The following PLD4 variants were observed in gnomAD, a reference collection of about 807,000 sequenced individuals.
PLD4 encodes phospholipase D family member 4, also known as 5'-3' exonuclease PLD4.
Under a neutral mutation model 52.3 loss-of-function variants are expected in PLD4, and 54 were observed. The ratio of observed to expected loss-of-function variants is 1.03; its 90% CI spans 0.83 to 1.30. The LOEUF (loss-of-function observed/expected upper bound fraction) is 1.30, where lower values mean the gene tolerates loss of function less well. Among genes scored for constraint, PLD4 ranks in the 50% most tolerant of loss-of-function variants. PLD4 has a pLI of 0.00. For synonymous variants in PLD4, 264 were observed against 286.5 expected, an observed-to-expected ratio of 0.92 and a Z score of 0.79; for missense variants, 731 against 671.1, an observed-to-expected ratio of 1.09 and a Z score of -0.99.
chr14:104,930,175 G>C, intron 6 of PLD4, 70 bp downstream of exon 6: 11 of 1,588,474 alleles, frequency 6.9e-6, no homozygotes, highest in Non-Finnish European at 9.4e-6. Flanking sequence ...TGGGGACTTG[G>C]CCTGACATCT....
In PLD4 at chr14:104,928,862, T is replaced by G. The variant is rs1223868166; in HGVS notation, c.398T>G (p.Val133Gly). 2 of 1,612,180 alleles carry G rather than the reference T, an allele frequency of 1.2e-6. No homozygotes were observed. The highest frequency in any genetic ancestry group is 3.3e-5 in the Admixed American group (2 of 59,994). The change falls in exon 4 of 11, where the codon GTC becomes GGC. Residue 133 changes from valine (V) to glycine (G), a missense_variant. Transcript: ENST00000392593. ...LQLLDTAQESVHVASYYWSLT... is the reference protein window; with the variant it reads ...LQLLDTAQESGHVASYYWSLT... The stretch of plus-strand genomic sequence containing the variant: ...CTGCTGGACACTGCCCAGGAGAGCG[T>G]CCACGTGGCTTCATACTACTGGTCC...
At chr14:104,927,038 G>C (rs980251379) in intron 1 of PLD4, 103 bp from the exon 2 acceptor site, 1 of 1,032,504 alleles carries the variant, frequency 9.7e-7, no homozygotes, top group Non-Finnish European at 1.3e-6. Context: ...GGGCTTATGT[G>C]GGTGTCTGTG....
chr14:104,925,097 G>A (rs906811115), intron 1 of PLD4, 107 bp downstream of exon 1: 1 of 152,480 alleles, frequency 6.6e-6, no homozygotes, highest in Non-Finnish European at 1.5e-5. Flanking sequence ...GGTCCAGAGA[G>A]TCACACAGCC....
At position 104,932,921 on chromosome 14, in the gene PLD4, T is replaced by A. The variant is rs1345530152; in HGVS notation, c.1478T>A (p.Leu493Gln). 6.2e-7 allele frequency: 1 copy of A among 1,601,598 alleles called. No homozygotes were observed. The highest frequency in any genetic ancestry group is 8.5e-7 in the Non-Finnish European group (1 of 1,175,344). Residue 493 changes from leucine (L) to glutamine (Q), a missense_variant, in exon 11 of 11, where the codon CTG becomes CAG. By Grantham distance (113) the Leu-to-Gln change is moderately radical. Transcript: ENST00000392593. The surrounding 1 kb of genome is among the most constrained non-coding windows in gnomAD (Gnocchi z 6.5). ...RDWSSRYAVG[L>Q]DGQAPGQDCV... ...TGGAGTTCGCGCTACGCCGTCGGCC[T>A]GGACGGACAGGCTCCGGGCCAGGAC... is the stretch of plus-strand genomic sequence containing the variant.
intron 3 of PLD4, among the ~76,000 whole-genome samples, chr14:104,928,298 G>A (rs1297598766): frequency 6.6e-6 from 1 of 152,094 alleles, no homozygotes; most frequent in Non-Finnish European, 1.5e-5. Context: ...GAGCTTACCT[G>A]CCCCTGGCCC....
chr14:104,925,382 A>G (rs1450119467), intron 1 of PLD4, among the ~76,000 whole-genome samples: 3 of 152,154 alleles, frequency 2.0e-5, no homozygotes, highest in Non-Finnish European at 4.4e-5. Context: ...CGGTCCTCCC[A>G]GGTTCCATTG....
chr14:104,931,591 A>G (rs1040377012), intron 7 of PLD4, among the ~76,000 whole-genome samples, 157 bp from the exon 8 acceptor site: 5 of 151,938 alleles, frequency 3.3e-5, no homozygotes, highest in Non-Finnish European at 7.4e-5. Flanking sequence ...AGTCCCCAGG[A>G]CCCCTGTTGA....
chr14:104,928,941 C>A lies in PLD4; in HGVS notation c.468+9C>A. ...ACTCGTCTTCCCAGCTGGTGCGCCCCGCCCTGGCCCCACCGCATCCTGGTG... is the reference window on the plus strand; with the variant it reads ...ACTCGTCTTCCCAGCTGGTGCGCCCAGCCCTGGCCCCACCGCATCCTGGTG... On this transcript the variant is annotated intron_variant, in intron 4 of 10. Coordinates refer to ENST00000392593, the MANE Select transcript of PLD4 (RefSeq NM_138790.5). The A allele has an allele frequency of 6.3e-7, 1 of 1,581,228 alleles. No homozygotes were observed. Among genetic ancestry groups the A allele is most frequent in the Non-Finnish European group, 8.6e-7 (1 of 1,156,324 alleles).
At chr14:104,928,633 C>G (rs2140798348) in intron 3 of PLD4, 116 bp from the exon 4 acceptor site, 1 of 1,132,350 alleles carries the variant, frequency 8.8e-7, no homozygotes, top group East Asian at 2.4e-5. Context: ...CTGGGCTCAT[C>G]CCGGGGGCCA....
chr14:104,936,080 G>C (rs539325011), downstream of PLD4: 1 of 152,210 alleles, frequency 6.6e-6, no homozygotes, highest in African/African-American at 2.4e-5. Flanking sequence ...CCAAGGCCAC[G>C]CGAGAACCCT....
At position 104,932,090 on chromosome 14, in the gene PLD4, C is replaced by T. The variant is rs956442773; in HGVS notation, c.1137C>T (p.Cys379=). The T allele has an allele frequency of 1.2e-6, 2 of 1,610,108 alleles. No individual in the cohort carries two copies. Among genetic ancestry groups the T allele is most frequent in the Non-Finnish European group, 8.5e-7 (1 of 1,179,088 alleles). ...KGVRVRLLVG[C]GLNTDPTMFP... ...TGCGCGTGCGCCTGCTGGTCGGCTG[C>T]GGACTCAACACGGACCCCACCATGT... The change falls in exon 9 of 11, where the codon TGC becomes TGT. Residue 379 remains cysteine, a synonymous_variant. Transcript: ENST00000392593. This position sits in a 1 kb window ranked among gnomAD's most constrained non-coding sequence, Gnocchi z 6.5.
rs750903224 is a variant in PLD4 at position 104,927,763 on chromosome 14, G to A, written c.181G>A (p.Gly61Ser). The change falls in exon 3 of 11, where the codon GGC becomes AGC. Residue 61 changes from glycine (G) to serine (S), a missense_variant. Transcript: ENST00000392593. The stretch of plus-strand genomic sequence containing the variant: ...GCAAGTGCCCCGTCCTCCCACCTGG[G>A]GCCAGGTGCAGCCCAAGGACGTGCC... Reference protein sequence around the residue: ...LWQVPRPPTWGQVQPKDVPRS... With the variant: ...LWQVPRPPTWSQVQPKDVPRS... The A allele has an allele frequency of 6.3e-7, 1 of 1,599,216 alleles. No homozygotes were observed. The highest frequency in any genetic ancestry group is 8.5e-7 in the Non-Finnish European group (1 of 1,176,866).
rs1897702642 is a variant in PLD4, at chr14:104,932,838, C to T, written c.1395C>T (p.Gly465=). 1.2e-6 allele frequency: 2 copies of T among 1,604,490 alleles called. No individual in the cohort carries two copies. ...GCTTGGTGGTCACCCAGAGCCCTGG[C>T]GCGCAGCCCGCGGGGGCCACGGTGC... ...GVGLVVTQSP[G]AQPAGATVQE... is the part of the protein sequence containing the mutation. The change falls in exon 11 of 11, where the codon GGC becomes GGT. Residue 465 remains glycine, a synonymous_variant. Coordinates refer to ENST00000392593, the MANE Select transcript of PLD4 (RefSeq NM_138790.5). The surrounding 1 kb of genome is among the most constrained non-coding windows in gnomAD (Gnocchi z 6.5).
chr14:104,925,993 C>T (rs1231531204), intron 1 of PLD4, among the ~76,000 whole-genome samples: 7 of 152,316 alleles, frequency 4.6e-5, no homozygotes, highest in Admixed American at 4.6e-4. Context: ...CATTTCCGCC[C>T]CATGCTGAGG....
chr14:104,930,621 G>T, intron 6 of PLD4, 121 bp from the exon 7 acceptor site: 2 of 1,037,948 alleles, frequency 1.9e-6, no homozygotes, highest in South Asian at 2.9e-5. Flanking sequence ...AATGCTTCCC[G>T]CAAGTGGGGA....
downstream of PLD4, chr14:104,933,281 T>G: frequency 1.5e-5 from 4 of 262,982 alleles, no homozygotes; most frequent in Non-Finnish European, 7.2e-6. Flanking sequence ...CTTCATCCTC[T>G]TGCCAAGGGC....
Position 104,932,719 on chromosome 14 carries a change from G to T in PLD4, c.1322-46G>T. The T allele has an allele frequency of 6.8e-7, 1 of 1,473,404 alleles. No homozygotes were observed. The highest frequency in any genetic ancestry group is 9.1e-7 in the Non-Finnish European group (1 of 1,102,476). 91.3% of individuals were successfully genotyped at this position (1,473,404 alleles called of 1,614,324 possible). ...CTGGCGCTGAGCGGGCTGCAGAGGGGCCTGTGGGAGCCGGCGCCCCAGTGT... is the reference window on the plus strand; with the variant it reads ...CTGGCGCTGAGCGGGCTGCAGAGGGTCCTGTGGGAGCCGGCGCCCCAGTGT... On this transcript the variant is annotated intron_variant, in intron 10 of 10. Transcript: ENST00000392593. The surrounding 1 kb of genome is among the most constrained non-coding windows in gnomAD (Gnocchi z 6.5).
chr14:104,926,651 G>T (rs755339366), intron 1 of PLD4, among the ~76,000 whole-genome samples: 1 of 152,224 alleles, frequency 6.6e-6, no homozygotes, highest in African/African-American at 2.4e-5. Context: ...CAGGAGGGAA[G>T]CAGTTATTTA....
chr14:104,937,757 T>C (rs193118009), downstream of PLD4: 410 of 328,878 alleles, frequency 1.2e-3, 1 homozygote, highest in African/African-American at 8.0e-3. Flanking sequence ...TCTGGAAATT[T>C]ATCTAATAAA....
Sources: gnomAD v4.1 joint callset for allele counts (sites outside exome capture counted in the v4.1 genomes callset) on GRCh38, gnomAD v4.1.1 for gene constraint, Gnocchi (gnomAD v3.1) non-coding constraint, MANE v1.5 for transcripts, NCBI Gene and HGNC (gene_info 2026-07-23, HGNC 2026-07-21) for gene names.